Variants in GEMIN5 observed in about 807,000 individuals in gnomAD.
GEMIN5 encodes the protein gem nuclear organelle associated protein 5.
Under a neutral mutation model 176.9 loss-of-function variants are expected in GEMIN5, and 124 were observed. That is an observed-to-expected ratio of 0.70 (90% CI 0.61 to 0.81). The LOEUF (loss-of-function observed/expected upper bound fraction) is 0.81. Among genes scored for constraint, GEMIN5 ranks in the 40% least tolerant of loss-of-function variants. The probability of loss-of-function intolerance (pLI) is 0.00; values close to 1 mark genes in which losing one functional copy is unlikely to be tolerated. For synonymous variants in GEMIN5, 673 were observed against 665.2 expected (o/e 1.01, Z -0.18); for missense variants, 1,843 against 1,814.6 (o/e 1.02, Z -0.28).
chr5:154,928,629 T>G lies in GEMIN5; in HGVS notation c.812A>C (p.Lys271Thr), dbSNP rs752872279. 3 of 1,613,932 alleles carry G rather than the reference T, an allele frequency of 1.9e-6. No homozygotes were observed. The highest frequency in any genetic ancestry group is 2.2e-5 in the South Asian group (2 of 91,070). ...TGGGTCTATACCCCCTCCTCTTCTC[T>G]TCAGAAAGGGCAATTTCAAAATCAT... ...GVMILKLPFL[K>T]RRGGGIDPTV... The change falls in exon 6 of 28, where the codon AAG becomes ACG. Residue 271 changes from lysine (K) to threonine (T), a missense_variant. Lys to Thr is a moderately conservative substitution (Grantham distance 78, BLOSUM62 -1). Transcript: ENST00000285873.
intron 11 of GEMIN5, among the ~76,000 whole-genome samples, chr5:154,919,304 C>T (rs1445705710): frequency 6.6e-6 from 1 of 151,992 alleles, no homozygotes; most frequent in Non-Finnish European, 1.5e-5. Context: ...TGCACTCCAG[C>T]CTGAGTGACA....
rs1286564701 is a variant in GEMIN5, at chr5:154,911,730, G to A, written c.2164C>T (p.Gln722Ter). 1.2e-6 allele frequency: 2 copies of A among 1,612,794 alleles called. No homozygotes were observed. Among genetic ancestry groups the A allele is most frequent in the Non-Finnish European group, 1.7e-6 (2 of 1,178,998 alleles). ...TAAGCTCTAGGTTCTGACTGACCTTGAGGAGGCCGGGAATGATCTTGCATG... is the reference window on the plus strand; with the variant it reads ...TAAGCTCTAGGTTCTGACTGACCTTAAGGAGGCCGGGAATGATCTTGCATG... ...TSMQDHSRPP[Q>*]GKKSIELEKK... The change falls in exon 15 of 28, where the codon CAA becomes TAA. Residue 722 changes from glutamine (Q) to a stop codon, truncating the protein, a stop_gained. Transcript: ENST00000285873. LOFTEE classifies it high-confidence loss of function.
At position 154,924,457 on chromosome 5, in the gene GEMIN5, C is replaced by T. The variant is rs1387333333; in HGVS notation, c.1379+12G>A. 1.9e-6 allele frequency: 3 copies of T among 1,551,102 alleles called. No individual in the cohort carries two copies. The highest frequency in any genetic ancestry group is 1.7e-5 in the Admixed American group (1 of 59,416). On this transcript the variant is annotated intron_variant, in intron 9 of 27. Coordinates refer to ENST00000285873, the MANE Select transcript of GEMIN5 (RefSeq NM_015465.5). ...CCGGGCCACAATGGAAGAAGAATCA[C>T]CCATTTCTTACTTGTTGGAGTAGGT...
In GEMIN5 at chr5:154,891,723, G is replaced by T; in HGVS notation, c.3780C>A (p.Asp1260Glu). The change falls in exon 26 of 28, where the codon GAC becomes GAA. Residue 1260 changes from aspartate to glutamate, a missense_variant. Physicochemically the swap from Asp to Glu is conservative, Grantham distance 45 (BLOSUM62 2). Transcript: ENST00000285873. ...CAGGGGATTGATGGTCCCCCAACTT[G>T]TCTCTTAGGTGGTCACAGCCTAGGA... ...FLPDGCDHLR[D>E]KLGDHQSPAT... 1.9e-6 allele frequency: 3 copies of T among 1,597,208 alleles called. No homozygotes were observed. The highest frequency in any genetic ancestry group is 2.6e-6 in the Non-Finnish European group (3 of 1,175,260).
intron 24 of GEMIN5, 58 bp downstream of exon 24, chr5:154,896,034 G>A: frequency 6.3e-7 from 1 of 1,584,434 alleles, no homozygotes; most frequent in South Asian, 1.1e-5. Flanking sequence ...AATAGACATG[G>A]ATTAAGGAAG....
intron 23 of GEMIN5, among the ~76,000 whole-genome samples, chr5:154,897,309 CTT>C (rs766055338): frequency 3.3e-5 from 5 of 152,158 alleles, no homozygotes; most frequent in African/African-American, 9.7e-5. Context: ...TAAAAAACCT[CTT>C]GTTAGTATCT....
At position 154,902,539 on chromosome 5, in the gene GEMIN5, C is replaced by T. The variant is rs369849441; in HGVS notation, c.2866G>A (p.Ala956Thr). 1.2e-6 allele frequency: 2 copies of T among 1,613,864 alleles called. No homozygotes were observed. Among genetic ancestry groups the T allele is most frequent in the Non-Finnish European group, 1.7e-6 (2 of 1,179,862 alleles). ...AAGAACAAACAAACAAAAACCATACCTGCTGGTGCCATAGCCACAAGGTTG... is the reference window on the plus strand; with the variant it reads ...AAGAACAAACAAACAAAAACCATACTTGCTGGTGCCATAGCCACAAGGTTG... ...TDNLVAMAPAAGYHVWLWAVE... is the reference protein window; with the variant it reads ...TDNLVAMAPATGYHVWLWAVE... The change falls in exon 20 of 28, where the codon GCT becomes ACT. Residue 956 changes from alanine to threonine, a missense_variant and splice_region_variant. Transcript: ENST00000285873.
At chr5:154,894,465 G>T (rs1157595747) in intron 24 of GEMIN5, among the ~76,000 whole-genome samples, 1 of 151,666 alleles carries the variant, frequency 6.6e-6, no homozygotes, top group Admixed American at 6.6e-5. Context: ...GCATGTGCAT[G>T]TTTAACTTTA....
At chr5:154,901,787 T>TA (rs1763470435) in intron 20 of GEMIN5, among the ~76,000 whole-genome samples, 1 of 16,338 alleles carries the variant, frequency 6.1e-5, no homozygotes, top group Non-Finnish European at 3.6e-4. Context: ...CTACGTGCTT[T>TA]TTTTTTTTCC....
rs201880938 is a variant in GEMIN5, at chr5:154,927,509, C to G, written c.956G>C (p.Arg319Pro). Residue 319 changes from arginine to proline, a missense_variant, in exon 7 of 28, where the codon CGG becomes CCG. Coordinates refer to ENST00000285873, the MANE Select transcript of GEMIN5 (RefSeq NM_015465.5). Reference sequence around the variant, plus strand: ...TGAGGCACTGAAGAGGGTGTATTTCCGTCTCCAAGATTGAGTGAGATCCCA... The same window carrying G: ...TGAGGCACTGAAGAGGGTGTATTTCGGTCTCCAAGATTGAGTGAGATCCCA... ...LQWDLTQSWR[R>P]KYTLFSASSE... is the part of the protein sequence containing the mutation. 1.2e-6 allele frequency: 2 copies of G among 1,610,456 alleles called. No homozygotes were observed. The highest frequency in any genetic ancestry group is 1.7e-6 in the Non-Finnish European group (2 of 1,176,930).
At chr5:154,901,926 G>A (rs553119854) in intron 20 of GEMIN5, among the ~76,000 whole-genome samples, 77 of 152,138 alleles carry the variant, frequency 5.1e-4, no homozygotes, top group East Asian at 2.1e-3. Context: ...ACAGCCTCCC[G>A]AGTAGCGGGG....
chr5:154,925,853 A>T lies in GEMIN5; in HGVS notation c.1293+9T>A. On this transcript the variant is annotated intron_variant, in intron 8 of 27. Coordinates refer to ENST00000285873, the MANE Select transcript of GEMIN5 (RefSeq NM_015465.5). ...AAGTTCAAAACAAGCTCAAAAAAAG[A>T]ATCCTTACCGCTGTAACCTTGGACT... 1 of 1,535,132 alleles carries T rather than the reference A, an allele frequency of 6.5e-7. No homozygotes were observed. The highest frequency in any genetic ancestry group is 8.9e-7 in the Non-Finnish European group (1 of 1,119,030).
rs1381684085 is a variant in GEMIN5, at chr5:154,901,392, G to C, written c.2961C>G (p.Ser987=). The change falls in exon 21 of 28, where the codon TCC becomes TCG. Residue 987 remains serine, a synonymous_variant. Coordinates refer to ENST00000285873, the MANE Select transcript of GEMIN5 (RefSeq NM_015465.5). The part of the protein sequence containing the change: ...QYVKAASHLL[S]IHKVYEAVEL... ...CCACCGCTTCATACACTTTGTGGAT[G>C]GAAAGTAGGTGAGAAGCAGCCTTGA... 6.2e-7 allele frequency: 1 copy of C among 1,613,946 alleles called. No individual in the cohort carries two copies. The highest frequency in any genetic ancestry group is 2.2e-5 in the East Asian group (1 of 44,896).
Position 154,937,989 on chromosome 5 carries a change from G to A in GEMIN5, c.145C>T (p.Pro49Ser), listed in dbSNP as rs989096933. 1 of 1,574,572 alleles carries A rather than the reference G, an allele frequency of 6.4e-7. No individual in the cohort carries two copies. Among genetic ancestry groups the A allele is most frequent in the Non-Finnish European group, 8.6e-7 (1 of 1,162,658 alleles). Residue 49 changes from proline (P) to serine (S), a missense_variant, in exon 1 of 28, where the codon CCA (proline) becomes TCA (serine). Physicochemically the swap from Pro to Ser is moderately conservative, Grantham distance 74. Coordinates refer to ENST00000285873, the MANE Select transcript of GEMIN5 (RefSeq NM_015465.5). Reference protein sequence around the residue: ...VRVGPGAGESPGTPPFRVIGE... With the variant: ...VRVGPGAGESSGTPPFRVIGE... ...TTACCTCGAAACGGGGGTGTCCCTGGACTCTCGCCTGCGCCCGGGCCCACG... is the reference window on the plus strand; with the variant it reads ...TTACCTCGAAACGGGGGTGTCCCTGAACTCTCGCCTGCGCCCGGGCCCACG...
At chr5:154,916,486 A>G (rs1305497328) in intron 13 of GEMIN5, among the ~76,000 whole-genome samples, 6 of 150,874 alleles carry the variant, frequency 4.0e-5, no homozygotes, top group African/African-American at 1.5e-4. Flanking sequence ...GGAAAACTTC[A>G]TTTTTTTTTC....
chr5:154,928,555 G>A lies in GEMIN5; in HGVS notation c.886C>T (p.Pro296Ser), dbSNP rs1005388042. The change falls in exon 6 of 28, where the codon CCA becomes TCA. Residue 296 changes from proline (P) to serine (S), a missense_variant. Pro to Ser is a moderately conservative substitution (Grantham distance 74). Coordinates refer to ENST00000285873, the MANE Select transcript of GEMIN5 (RefSeq NM_015465.5). Reference sequence around the variant, plus strand: ...AAACAGCTAGATACCAGCTGTGTTGGTTGATTGCTGGGCCAATGGAGTGTC... The same window carrying A: ...AAACAGCTAGATACCAGCTGTGTTGATTGATTGCTGGGCCAATGGAGTGTC... Reference protein sequence around the residue: ...WLTLHWPSNQPTQLVSSCFGG... With the variant: ...WLTLHWPSNQSTQLVSSCFGG... 5.0e-6 allele frequency: 8 copies of A among 1,614,014 alleles called. No individual in the cohort carries two copies. The African/African-American group carries it at 1.1e-4, about 22-fold the overall frequency.
At chr5:154,890,467 ATTTTTT>A (rs748573084) in intron 26 of GEMIN5, among the ~76,000 whole-genome samples, 1 of 138,166 alleles carries the variant, frequency 7.2e-6, no homozygotes, top group African/African-American at 2.7e-5. Context: ...TTAAAATTTA[ATTTTTT>A]TTTTTTTTTT....
intron 17 of GEMIN5, among the ~76,000 whole-genome samples, 192 bp downstream of exon 17, chr5:154,905,171 G>A (rs1426000726): frequency 6.6e-6 from 1 of 152,142 alleles, no homozygotes; most frequent in African/African-American, 2.4e-5. Flanking sequence ...TCCAGCCTGG[G>A]TGACTGGAGT....
intron 12 of GEMIN5, 39 bp downstream of exon 12, chr5:154,917,892 C>A (rs146685959): frequency 8.5e-6 from 11 of 1,293,976 alleles, no homozygotes; most frequent in African/African-American, 2.9e-5. Flanking sequence ...AATATATGTG[C>A]GATTGCAAAT....
Sources: allele counts gnomAD v4.1 joint callset (sites outside exome capture counted in the v4.1 genomes callset), GRCh38; gene constraint gnomAD v4.1.1; transcripts MANE v1.5; gene names NCBI Gene and HGNC (gene_info 2026-07-23, HGNC 2026-07-21).